Variants in TBC1D5 observed in about 807,000 individuals in gnomAD.
TBC1D5 encodes the protein TBC1 domain family, member 5.
Under a neutral mutation model 100.3 loss-of-function variants are expected in TBC1D5, and 75 were observed. The ratio of observed to expected loss-of-function variants is 0.75; its 90% CI spans 0.62 to 0.91. TBC1D5 has a LOEUF of 0.91. TBC1D5 is among the 40% of genes least tolerant of loss of function. TBC1D5 has a pLI of 0.00. For synonymous variants in TBC1D5, 323 were observed against 325.6 expected (o/e 0.99, Z 0.09); for missense variants, 910 against 942.4 (o/e 0.97, Z 0.45).
At chr3:17,331,804 T>G (rs944267971) in intron 13 of TBC1D5, among the ~76,000 whole-genome samples, 8 of 152,158 alleles carry the variant, frequency 5.3e-5, no homozygotes, top group African/African-American at 1.9e-4. Flanking sequence ...GATAGAGATG[T>G]TAAAGAAGGA....
At chr3:17,367,629 C>T (rs559454759) in intron 13 of TBC1D5, among the ~76,000 whole-genome samples, 12 of 152,114 alleles carry the variant, frequency 7.9e-5, no homozygotes, top group South Asian at 6.2e-4. Flanking sequence ...GAAGCCCGGG[C>T]GGGCAGATCA....
chr3:17,353,914 G>T (rs1158172723), intron 13 of TBC1D5, among the ~76,000 whole-genome samples: 1 of 151,996 alleles, frequency 6.6e-6, no homozygotes, highest in Admixed American at 6.6e-5. Context: ...ACTTCATGTT[G>T]CCTATGCTTG....
chr3:17,293,859 A>C (rs192085370), intron 14 of TBC1D5, among the ~76,000 whole-genome samples: 1 of 152,366 alleles, frequency 6.6e-6, no homozygotes, highest in East Asian at 1.9e-4. Context: ...TAAGAACTTT[A>C]CCTACATTAT....
chr3:17,664,578 G>A (rs1253494182), intron 1 of TBC1D5, among the ~76,000 whole-genome samples: 2 of 152,118 alleles, frequency 1.3e-5, no homozygotes, highest in Admixed American at 1.3e-4. Flanking sequence ...GGGAGGGAGA[G>A]AGGGACAGAC....
intron 16 of TBC1D5, among the ~76,000 whole-genome samples, chr3:17,242,477 A>G (rs1012715930): frequency 3.9e-5 from 6 of 152,042 alleles, no homozygotes; most frequent in Admixed American, 2.0e-4. Flanking sequence ...ATTTATATAT[A>G]TTTTTGTTAT....
At chr3:17,320,558 A>G (rs2085285336) in intron 13 of TBC1D5, among the ~76,000 whole-genome samples, 1 of 152,190 alleles carries the variant, frequency 6.6e-6, no homozygotes, top group African/African-American at 2.4e-5. Flanking sequence ...CCCAGAAAGA[A>G]ATTTTATTGT....
chr3:17,697,338 T>A (rs538447882), intron 1 of TBC1D5, among the ~76,000 whole-genome samples: 11 of 152,324 alleles, frequency 7.2e-5, no homozygotes, highest in African/African-American at 2.6e-4. Flanking sequence ...GATGACATGA[T>A]TGTATATTTA....
intron 2 of TBC1D5, among the ~76,000 whole-genome samples, chr3:17,542,818 G>A (rs2096371872): frequency 6.6e-6 from 1 of 152,168 alleles, no homozygotes; most frequent in Non-Finnish European, 1.5e-5. Context: ...CCCACTTGGT[G>A]ATGGTGTATA....
intron 1 of TBC1D5, among the ~76,000 whole-genome samples, chr3:17,702,985 C>T (rs1216377554): frequency 6.6e-6 from 1 of 151,996 alleles, no homozygotes; most frequent in Non-Finnish European, 1.5e-5. Flanking sequence ...AAGTTAATGC[C>T]TCAGCAGATA....
intron 1 of TBC1D5, among the ~76,000 whole-genome samples, chr3:17,664,674 C>T (rs1448437020): frequency 1.3e-5 from 2 of 152,046 alleles, no homozygotes; most frequent in African/African-American, 4.8e-5. Flanking sequence ...TAAGACACCA[C>T]TCAAAACAAA....
At chr3:17,614,400 G>A (rs1049682760) in intron 2 of TBC1D5, among the ~76,000 whole-genome samples, 4 of 152,190 alleles carry the variant, frequency 2.6e-5, no homozygotes, top group South Asian at 4.1e-4. Context: ...GAACTTTAAA[G>A]TAGTTTCTGC....
intron 18 of TBC1D5, among the ~76,000 whole-genome samples, chr3:17,204,140 C>G (rs958396701): frequency 3.3e-5 from 5 of 152,098 alleles, no homozygotes; most frequent in Non-Finnish European, 5.9e-5. Flanking sequence ...TGATGAGATG[C>G]CAGGGACAAG....
chr3:17,523,047 A>T (rs1358455931), intron 2 of TBC1D5, among the ~76,000 whole-genome samples: 1 of 152,154 alleles, frequency 6.6e-6, no homozygotes, highest in Non-Finnish European at 1.5e-5. Context: ...GATTGCTAAT[A>T]TTTCACTTAA....
intron 13 of TBC1D5, among the ~76,000 whole-genome samples, chr3:17,328,912 T>G (rs1321937356): frequency 6.6e-6 from 1 of 152,220 alleles, no homozygotes; most frequent in African/African-American, 2.4e-5. Context: ...ATAAATTGTT[T>G]ATAACATTAT....
At chr3:17,560,546 G>C (rs1576707791) in intron 2 of TBC1D5, among the ~76,000 whole-genome samples, 2 of 150,898 alleles carry the variant, frequency 1.3e-5, no homozygotes, top group African/African-American at 4.9e-5. Flanking sequence ...TTGAGCCCAG[G>C]AGTTGAAGGC....
intron 2 of TBC1D5, among the ~76,000 whole-genome samples, chr3:17,585,766 GCA>G (rs2096728822): frequency 6.6e-6 from 1 of 152,068 alleles, no homozygotes. Flanking sequence ...ATAGCATACA[GCA>G]CATCCCAGGC....
chr3:17,267,605 A>G (rs1463498343), intron 15 of TBC1D5, among the ~76,000 whole-genome samples: 1 of 152,214 alleles, frequency 6.6e-6, no homozygotes, highest in Non-Finnish European at 1.5e-5. Flanking sequence ...GAACAGTTTA[A>G]TCAAGTAACC....
At chr3:17,529,044 C>T (rs2096180058) in intron 2 of TBC1D5, among the ~76,000 whole-genome samples, 1 of 152,152 alleles carries the variant, frequency 6.6e-6, no homozygotes, top group African/African-American at 2.4e-5. Context: ...CTCTTGCTCC[C>T]CTTAATCTCC....
At chr3:17,422,136 C>T (rs773403179) in intron 4 of TBC1D5, among the ~76,000 whole-genome samples, 16 of 151,946 alleles carry the variant, frequency 1.1e-4, no homozygotes, top group Admixed American at 3.9e-4. Flanking sequence ...TTGATTGAGC[C>T]AATATTCTGT....
Sources: gnomAD v4.1 joint callset for allele counts (sites outside exome capture counted in the v4.1 genomes callset) on GRCh38, gnomAD v4.1.1 for gene constraint, MANE v1.5 for transcripts, NCBI Gene and HGNC (gene_info 2026-07-23, HGNC 2026-07-21) for gene names.